HS3ST3A1: variants seen among roughly 807,000 people sequenced by gnomAD.
The protein encoded by HS3ST3A1 is heparan sulfate-glucosamine 3-sulfotransferase 3A1.
In HS3ST3A1, 19 loss-of-function variants were observed where a neutral mutation model predicts 25.7. The ratio of observed to expected loss-of-function variants is 0.74; its 90% CI spans 0.52 to 1.08. The LOEUF (loss-of-function observed/expected upper bound fraction) is 1.08. Among genes scored for constraint, HS3ST3A1 ranks in the 50% least tolerant of loss-of-function variants. HS3ST3A1 has a pLI of 0.00. For missense variants in HS3ST3A1, 459 were observed against 594.3 expected, an observed-to-expected ratio of 0.77 and a Z score of 2.37; for synonymous variants, 226 against 278.6, an observed-to-expected ratio of 0.81 and a Z score of 1.88.
intron 1 of HS3ST3A1, among the ~76,000 whole-genome samples, chr17:13,534,862 C>T (rs1412893551): frequency 6.6e-6 from 1 of 151,938 alleles, no homozygotes; most frequent in Admixed American, 6.6e-5. Context: ...CACGTCTCTA[C>T]TAAAAATACA....
chr17:13,560,027 C>T (rs145064171), intron 1 of HS3ST3A1, among the ~76,000 whole-genome samples: 1,690 of 151,646 alleles, frequency 0.011, 27 homozygotes, highest in African/African-American at 0.038. Context: ...TGGTGGTTCA[C>T]GCCTGTAATC....
At chr17:13,574,873 T>G (rs776463852) in intron 1 of HS3ST3A1, among the ~76,000 whole-genome samples, 35 of 152,266 alleles carry the variant, frequency 2.3e-4, no homozygotes, top group Non-Finnish European at 3.8e-4. Flanking sequence ...CAGGGTCCCT[T>G]GCAAGGGGGG....
chr17:13,601,065 A>C lies in HS3ST3A1; in HGVS notation c.65T>G (p.Phe22Cys), dbSNP rs1286086812. 3.1e-6 allele frequency: 5 copies of C among 1,598,956 alleles called. No individual in the cohort carries two copies. Among genetic ancestry groups the C allele is most frequent in the Non-Finnish European group, 4.3e-6 (5 of 1,173,604 alleles). The change falls in exon 1 of 2, where the codon TTC (phenylalanine) becomes TGC (cysteine). Residue 22 changes from phenylalanine to cysteine, a missense_variant. Phe to Cys is a radical substitution (Grantham distance 205). This residue lies in a region of HS3ST3A1 where 346 missense variants were observed against 303.9 expected (regional missense o/e 1.14). Coordinates refer to ENST00000284110, the MANE Select transcript of HS3ST3A1 (RefSeq NM_006042.3). ...TSAEPLSRSI[F>C]RKFLLMLCSL... Reference sequence around the variant, plus strand: ...GCAGAGCATCAGCAAGAACTTCCGGAAGATGCTGCGGGACAGCGGCTCGGC... The same window carrying C: ...GCAGAGCATCAGCAAGAACTTCCGGCAGATGCTGCGGGACAGCGGCTCGGC...
intron 1 of HS3ST3A1, among the ~76,000 whole-genome samples, chr17:13,589,102 A>T (rs1401382251): frequency 6.6e-6 from 1 of 152,120 alleles, no homozygotes; most frequent in Non-Finnish European, 1.5e-5. Context: ...CATTCACTTC[A>T]GTTGAGATTG....
At chr17:13,575,077 C>T (rs1309288912) in intron 1 of HS3ST3A1, among the ~76,000 whole-genome samples, 3 of 151,358 alleles carry the variant, frequency 2.0e-5, no homozygotes, top group African/African-American at 7.4e-5. Context: ...TTTTAATAAT[C>T]CCATCTCCTT....
At chr17:13,523,438 G>A (rs1023770608) in intron 1 of HS3ST3A1, among the ~76,000 whole-genome samples, 2 of 152,204 alleles carry the variant, frequency 1.3e-5, no homozygotes, top group Non-Finnish European at 1.5e-5. Flanking sequence ...TCATATGGAA[G>A]AGGAAACGAA....
chr17:13,601,083 G>A lies in HS3ST3A1; in HGVS notation c.47C>T (p.Pro16Leu), dbSNP rs1159834072. The A allele has an allele frequency of 1.9e-6, 3 of 1,594,618 alleles. No individual in the cohort carries two copies. The highest frequency in any genetic ancestry group is 1.1e-5 in the South Asian group (1 of 88,050). The part of the protein sequence containing the change: ...PASALSTSAE[P>L]LSRSIFRKFL... ...CTTCCGGAAGATGCTGCGGGACAGC[G>A]GCTCGGCCGAGGTGGAGAGGGCACT... is the stretch of plus-strand genomic sequence containing the variant. The change falls in exon 1 of 2, where the codon CCG (proline) becomes CTG (leucine). Residue 16 changes from proline (P) to leucine (L), a missense_variant. Pro to Leu is a moderately conservative substitution (Grantham distance 98). Transcript: ENST00000284110.
chr17:13,540,504 A>C (rs11872064), intron 1 of HS3ST3A1, among the ~76,000 whole-genome samples: 1 of 152,356 alleles, frequency 6.6e-6, no homozygotes, highest in East Asian at 1.9e-4. Context: ...CTCAATTGAT[A>C]AAATGTACCT....
At chr17:13,566,901 C>A (rs914525764) in intron 1 of HS3ST3A1, among the ~76,000 whole-genome samples, 29 of 152,198 alleles carry the variant, frequency 1.9e-4, no homozygotes, top group African/African-American at 6.5e-4. Context: ...GGTACTGACA[C>A]AGAAGTTGCA....
chr17:13,595,849 TGTTG>T (rs149180817), intron 1 of HS3ST3A1, among the ~76,000 whole-genome samples: 80,457 of 134,990 alleles, frequency 0.6, 21,567 homozygotes, highest in East Asian at 0.64. Flanking sequence ...CCTTTTTGGT[TGTTG>T]TTGTTGTTGT....
At chr17:13,550,019 A>G (rs1907197736) in intron 1 of HS3ST3A1, among the ~76,000 whole-genome samples, 1 of 152,206 alleles carries the variant, frequency 6.6e-6, no homozygotes, top group African/African-American at 2.4e-5. Context: ...GGCTAAATTT[A>G]AATAAACTTG....
intron 1 of HS3ST3A1, among the ~76,000 whole-genome samples, chr17:13,515,358 C>T (rs1188979108): frequency 1.3e-5 from 2 of 151,836 alleles, no homozygotes; most frequent in African/African-American, 4.8e-5. Context: ...TGGGTTTTCA[C>T]CATGTTGGCC....
chr17:13,497,718 T>G (rs1905330069), intron 1 of HS3ST3A1, among the ~76,000 whole-genome samples: 1 of 152,234 alleles, frequency 6.6e-6, no homozygotes. Flanking sequence ...ATACTGCAAT[T>G]AAATGCACTA....
At chr17:13,572,074 A>G (rs1322373390) in intron 1 of HS3ST3A1, among the ~76,000 whole-genome samples, 1 of 152,172 alleles carries the variant, frequency 6.6e-6, no homozygotes, top group Non-Finnish European at 1.5e-5. Context: ...TGTTTTTAAA[A>G]AACACAGAGA....
intron 1 of HS3ST3A1, among the ~76,000 whole-genome samples, chr17:13,589,862 AGTTCCCTTTT>A (rs1342252304): frequency 6.6e-6 from 1 of 152,190 alleles, no homozygotes; most frequent in Non-Finnish European, 1.5e-5. Flanking sequence ...AGCTTAATCC[AGTTCCCTTTT>A]GTTAAATACC....
In HS3ST3A1 at chr17:13,526,501, TA is replaced by T. The variant is rs1221120834; in HGVS notation, c.600-29684del. Among the ~76,000 whole-genome samples, 47 of 135,452 alleles carry T rather than the reference TA, an allele frequency of 3.5e-4. 4 individuals are homozygous for T. The highest frequency in any genetic ancestry group is 2.1e-3 in the East Asian group (10 of 4,678). 88.9% of individuals were successfully genotyped at this position (135,452 alleles called of 152,430 possible). ...ATATATATATATATATATATATATATATATATATATATATTATTGGGTTGGT... is the reference window on the plus strand; with the variant it reads ...ATATATATATATATATATATATATATTATATATATATATTATTGGGTTGGT... On this transcript the variant is annotated intron_variant, in intron 1 of 1. Transcript: ENST00000284110.
intron 1 of HS3ST3A1, among the ~76,000 whole-genome samples, chr17:13,525,632 ACT>A (rs1416908176): frequency 6.6e-6 from 1 of 152,142 alleles, no homozygotes; most frequent in Non-Finnish European, 1.5e-5. Context: ...TCATACTGAA[ACT>A]CTATATCATA....
At chr17:13,499,503 A>T (rs1251568639) in intron 1 of HS3ST3A1, among the ~76,000 whole-genome samples, 1 of 151,904 alleles carries the variant, frequency 6.6e-6, no homozygotes, top group Non-Finnish European at 1.5e-5. Context: ...TATATCTTTG[A>T]CTTTTAACTA....
intron 1 of HS3ST3A1, among the ~76,000 whole-genome samples, chr17:13,540,177 G>C (rs1184433677): frequency 1.3e-5 from 2 of 152,104 alleles, no homozygotes; most frequent in African/African-American, 4.8e-5. Flanking sequence ...TGATTCCTAG[G>C]CTTTTGTGAC....
Sources: gnomAD v4.1 joint callset for allele counts (sites outside exome capture counted in the v4.1 genomes callset) on GRCh38, gnomAD v4.1.1 for gene constraint, gnomAD v4.1.1 regional missense constraint, MANE v1.5 for transcripts, NCBI Gene and HGNC (gene_info 2026-07-23, HGNC 2026-07-21) for gene names.